The following EBF2 variants were observed in gnomAD, a reference collection of about 807,000 sequenced individuals.
EBF2 encodes the protein EBF transcription factor 2.
A neutral mutation model predicts 72.8 loss-of-function variants in EBF2; 21 were observed. The observed-to-expected ratio is 0.29, with a 90% confidence interval of 0.20 to 0.42. The LOEUF (loss-of-function observed/expected upper bound fraction) is 0.42, where lower values mean the gene tolerates loss of function less well. Ranked by LOEUF, EBF2 falls within the 10% of genes least tolerant of loss-of-function variation. The pLI is 1.00. For missense variants in EBF2, 637 were observed against 731.2 expected, an observed-to-expected ratio of 0.87 and a Z score of 1.49; for synonymous variants, 299 against 274.2, an observed-to-expected ratio of 1.09 and a Z score of -0.89.
intron 5 of EBF2, among the ~76,000 whole-genome samples, chr8:26,033,388 C>T (rs1805441244): frequency 6.6e-6 from 1 of 152,150 alleles, no homozygotes; most frequent in Non-Finnish European, 1.5e-5. Context: ...TGCCACCGCG[C>T]CCAGCTAATT....
chr8:25,851,737 C>G (rs1162544175), intron 14 of EBF2, among the ~76,000 whole-genome samples: 1 of 152,188 alleles, frequency 6.6e-6, no homozygotes, highest in Non-Finnish European at 1.5e-5. Flanking sequence ...AATGACCAAG[C>G]CCAGCAGTGC....
chr8:26,036,794 G>A (rs1483859631), intron 5 of EBF2, among the ~76,000 whole-genome samples: 1 of 151,978 alleles, frequency 6.6e-6, no homozygotes, highest in Non-Finnish European at 1.5e-5. Flanking sequence ...CCAACTTCAG[G>A]TTCAGCTACT....
intron 6 of EBF2, among the ~76,000 whole-genome samples, chr8:25,927,390 C>T (rs1169693921): frequency 6.7e-6 from 1 of 149,296 alleles, no homozygotes; most frequent in Admixed American, 6.7e-5. Context: ...ATATTATATA[C>T]ACATCATGTA....
At chr8:25,911,424 C>T (rs926504231) in intron 6 of EBF2, among the ~76,000 whole-genome samples, 1 of 152,128 alleles carries the variant, frequency 6.6e-6, no homozygotes, top group Non-Finnish European at 1.5e-5. Context: ...TGAAGAGGAT[C>T]GGAAAGAGGA....
At chr8:25,941,909 C>T (rs77115840) in intron 6 of EBF2, among the ~76,000 whole-genome samples, 9,495 of 152,286 alleles carry the variant, frequency 0.062, 975 homozygotes, top group African/African-American at 0.22. Flanking sequence ...CCAGGGTTCT[C>T]GTCCATTTTA....
intron 6 of EBF2, among the ~76,000 whole-genome samples, chr8:25,988,395 T>G (rs1804494599): frequency 6.6e-6 from 1 of 152,218 alleles, no homozygotes; most frequent in Admixed American, 6.5e-5. Context: ...AAATGAGTTT[T>G]ATAAGTCCAT....
chr8:26,015,929 C>T (rs570865857), intron 6 of EBF2, among the ~76,000 whole-genome samples: 2 of 152,304 alleles, frequency 1.3e-5, no homozygotes, highest in South Asian at 2.1e-4. Context: ...CCCCTGCTGC[C>T]ATCTAAAGAA....
At chr8:25,954,942 G>T (rs1803919841) in intron 6 of EBF2, among the ~76,000 whole-genome samples, 2 of 152,246 alleles carry the variant, frequency 1.3e-5, no homozygotes, top group African/African-American at 4.8e-5. Context: ...GACTGCGGCT[G>T]GCTAGGGACC....
intron 6 of EBF2, among the ~76,000 whole-genome samples, chr8:25,935,876 T>G (rs1013834557): frequency 6.6e-6 from 1 of 152,218 alleles, no homozygotes; most frequent in South Asian, 2.1e-4. Context: ...GCACTAACCC[T>G]GTTTGTGTGG....
At chr8:25,930,970 C>G (rs1803470080) in intron 6 of EBF2, among the ~76,000 whole-genome samples, 1 of 152,044 alleles carries the variant, frequency 6.6e-6, no homozygotes, top group Non-Finnish European at 1.5e-5. Context: ...GATTATATGG[C>G]CTCATAAAAA....
At chr8:25,972,063 A>G (rs1274290807) in intron 6 of EBF2, among the ~76,000 whole-genome samples, 1 of 152,202 alleles carries the variant, frequency 6.6e-6, no homozygotes, top group Non-Finnish European at 1.5e-5. Context: ...GACAAGAGAC[A>G]AGCATCCTGG....
chr8:25,911,195 A>T (rs1803123591), intron 6 of EBF2, among the ~76,000 whole-genome samples: 1 of 152,162 alleles, frequency 6.6e-6, no homozygotes, highest in Non-Finnish European at 1.5e-5. Context: ...TGCCTGGAAA[A>T]TGTCGGCACT....
chr8:25,871,625 G>A (rs761712025), intron 10 of EBF2, among the ~76,000 whole-genome samples: 8 of 152,136 alleles, frequency 5.3e-5, no homozygotes, highest in South Asian at 2.1e-4. Context: ...TGAGAATTTC[G>A]TCTTTGCTAT....
intron 6 of EBF2, among the ~76,000 whole-genome samples, chr8:25,948,058 C>A (rs1441071715): frequency 1.3e-5 from 2 of 152,212 alleles, no homozygotes; most frequent in South Asian, 4.1e-4. Context: ...CTCCAAAAGG[C>A]TTAGGTGGCC....
chr8:25,959,261 G>A (rs368717731), intron 6 of EBF2, among the ~76,000 whole-genome samples: 76 of 152,348 alleles, frequency 5.0e-4, no homozygotes, highest in Middle Eastern at 3.4e-3. Context: ...CTGGAGTGCA[G>A]TGGCGTGATC....
rs1317939569 is a variant in EBF2, at chr8:25,986,664, TAAC to T, written c.551+46418_551+46420del. 5.8e-5 allele frequency among the ~76,000 whole-genome samples: 8 copies of T among 138,748 alleles called. No homozygotes were observed. The East Asian group carries it at 1.5e-3, about 26-fold the overall frequency. 91.0% of individuals were successfully genotyped at this position (138,748 alleles called of 152,430 possible). On this transcript the variant is annotated intron_variant, in intron 6 of 15. Coordinates refer to ENST00000520164, the MANE Select transcript of EBF2 (RefSeq NM_022659.4). ...CTACTTTCCTCATATGATACACCAA[TAAC>T]AACAACTTTAAAAAAAAACTGACTT...
At chr8:25,895,219 T>C (rs560781788) in intron 7 of EBF2, among the ~76,000 whole-genome samples, 2 of 152,342 alleles carry the variant, frequency 1.3e-5, no homozygotes, top group African/African-American at 4.8e-5. Flanking sequence ...AACTGATATA[T>C]TGCAATGCAA....
intron 6 of EBF2, among the ~76,000 whole-genome samples, chr8:25,958,637 G>T (rs1563192643): frequency 6.6e-6 from 1 of 152,128 alleles, no homozygotes; most frequent in Non-Finnish European, 1.5e-5. Context: ...CTCCAGCCCA[G>T]CTTCTTCTAA....
chr8:25,892,530 A>G (rs551945026), intron 7 of EBF2, among the ~76,000 whole-genome samples: 3 of 152,170 alleles, frequency 2.0e-5, no homozygotes, highest in Non-Finnish European at 4.4e-5. Context: ...CTCCCAGTCC[A>G]TCCTACCCCC....
Sources: gnomAD v4.1 joint callset for allele counts (sites outside exome capture counted in the v4.1 genomes callset) on GRCh38, gnomAD v4.1.1 for gene constraint, MANE v1.5 for transcripts, NCBI Gene and HGNC (gene_info 2026-07-23, HGNC 2026-07-21) for gene names.